The following DCC variants were observed in gnomAD, a reference collection of about 807,000 sequenced individuals.
DCC encodes the protein DCC netrin 1 receptor.
DCC carries 58 observed loss-of-function variants against 172.5 expected under a neutral mutation model. The ratio of observed to expected loss-of-function variants is 0.34; its 90% CI spans 0.27 to 0.42. The LOEUF (loss-of-function observed/expected upper bound fraction) is 0.42. DCC is among the 10% of genes least tolerant of loss of function. The pLI is 1.00. For synonymous variants in DCC, 709 were observed against 644.5 expected (o/e 1.10, Z -1.52); for missense variants, 1,740 against 1,791.0 (o/e 0.97, Z 0.51).
chr18:52,906,506 CT>C (rs11322229), intron 3 of DCC, among the ~76,000 whole-genome samples, 178 bp downstream of exon 3: 57,352 of 139,516 alleles, frequency 0.41, 11,560 homozygotes, highest in Non-Finnish European at 0.48. Flanking sequence ...AAAAGCTGTT[CT>C]TTTTTTTTTT....
chr18:52,664,565 G>T (rs2035428657), intron 1 of DCC, among the ~76,000 whole-genome samples: 1 of 146,944 alleles, frequency 6.8e-6, no homozygotes, highest in African/African-American at 2.5e-5. Flanking sequence ...CCGCCTCCTG[G>T]GTTCACGCCA....
At chr18:52,854,900 T>C (rs1379854480) in intron 2 of DCC, among the ~76,000 whole-genome samples, 3 of 152,156 alleles carry the variant, frequency 2.0e-5, no homozygotes, top group East Asian at 3.9e-4. Flanking sequence ...AGAGAAGAGA[T>C]AATTGGCCCC....
intron 5 of DCC, among the ~76,000 whole-genome samples, chr18:53,062,895 G>A (rs976628930): frequency 6.6e-6 from 1 of 152,084 alleles, no homozygotes; most frequent in Non-Finnish European, 1.5e-5. Context: ...GGACAACTGA[G>A]CTTTCTTATC....
chr18:53,271,307 A>G (rs1418619340), intron 12 of DCC, among the ~76,000 whole-genome samples: 1 of 152,166 alleles, frequency 6.6e-6, no homozygotes, highest in Non-Finnish European at 1.5e-5. Context: ...GCAATATGTA[A>G]TACTTATCTA....
At chr18:52,387,607 CT>C (rs879858544) in intron 1 of DCC, among the ~76,000 whole-genome samples, 2 of 150,292 alleles carry the variant, frequency 1.3e-5, no homozygotes, top group Non-Finnish European at 3.0e-5. Context: ...TCCTTCCTTC[CT>C]TCCTTCCTTC....
intron 1 of DCC, among the ~76,000 whole-genome samples, chr18:52,626,353 T>A (rs1488592042): frequency 1.3e-5 from 2 of 152,246 alleles, no homozygotes; most frequent in South Asian, 2.1e-4. Context: ...CCAAAATAGA[T>A]CTCCAGTCTA....
chr18:53,117,814 T>C (rs1241617824), intron 7 of DCC, among the ~76,000 whole-genome samples: 1 of 151,772 alleles, frequency 6.6e-6, no homozygotes, highest in Admixed American at 6.6e-5. Flanking sequence ...TAGACATGCC[T>C]GTGTTCCAAT....
chr18:52,499,148 G>A (rs942733561), intron 1 of DCC, among the ~76,000 whole-genome samples: 4 of 152,156 alleles, frequency 2.6e-5, no homozygotes, highest in Admixed American at 2.0e-4. Flanking sequence ...GAAACTGCAA[G>A]CTCCCTGAAT....
intron 1 of DCC, among the ~76,000 whole-genome samples, chr18:52,432,930 A>C (rs1308455480): frequency 6.6e-6 from 1 of 152,166 alleles, no homozygotes; most frequent in Admixed American, 6.6e-5. Flanking sequence ...TCCATCTTTC[A>C]GTTTCCCTCT....
chr18:52,657,264 T>C (rs577424617), intron 1 of DCC, among the ~76,000 whole-genome samples: 61 of 152,296 alleles, frequency 4.0e-4, no homozygotes, highest in African/African-American at 1.3e-3. Context: ...AATGCTCCAA[T>C]TGGCTGCATC....
At chr18:52,543,913 C>T (rs2032537227) in intron 1 of DCC, among the ~76,000 whole-genome samples, 1 of 152,200 alleles carries the variant, frequency 6.6e-6, no homozygotes, top group Non-Finnish European at 1.5e-5. Flanking sequence ...AACAATGATA[C>T]TGCAACTTTA....
rs116069699 is a variant in DCC, at chr18:53,218,287, G to A, written c.1911+2690G>A. ...TTGATAGTAAATGAAATAACTTGGTGCAACTAACATTTTTGCAGAAAGATT... is the reference window on the plus strand; with the variant it reads ...TTGATAGTAAATGAAATAACTTGGTACAACTAACATTTTTGCAGAAAGATT... On this transcript the variant is annotated intron_variant, in intron 12 of 28. Coordinates refer to ENST00000442544, the MANE Select transcript of DCC (RefSeq NM_005215.4). Among the ~76,000 whole-genome samples, 503 of 152,112 alleles carry A rather than the reference G, an allele frequency of 3.3e-3. 2 individuals are homozygous for A. Among genetic ancestry groups the A allele is most frequent in the African/African-American group, 0.011 (473 of 41,508 alleles).
rs542401787 is a variant in DCC at position 52,727,976 on chromosome 18, C to T, written c.92-24078C>T. Among the ~76,000 whole-genome samples, 5 of 152,220 alleles carry T rather than the reference C, an allele frequency of 3.3e-5. 1 individual carries two copies. The South Asian group carries it at 8.3e-4, about 25-fold the overall frequency. ...TTGCAATGAATTAGCTGTTTATTTT[C>T]CCAACTCTCCCATTTCATTATAGTG... On this transcript the variant is annotated intron_variant, in intron 1 of 28. Coordinates refer to ENST00000442544, the MANE Select transcript of DCC (RefSeq NM_005215.4).
chr18:53,415,671 C>T (rs939390039), intron 20 of DCC, among the ~76,000 whole-genome samples: 3 of 151,964 alleles, frequency 2.0e-5, no homozygotes, highest in African/African-American at 7.2e-5. Context: ...TATATTGTAC[C>T]ATATTTATGG....
intron 22 of DCC, among the ~76,000 whole-genome samples, chr18:53,443,932 C>G (rs1489131807): frequency 6.6e-6 from 1 of 152,186 alleles, no homozygotes; most frequent in African/African-American, 2.4e-5. Flanking sequence ...AGTGACTGAA[C>G]TGCTGCAATC....
chr18:52,855,178 G>T (rs572711897), intron 2 of DCC, among the ~76,000 whole-genome samples: 36 of 152,252 alleles, frequency 2.4e-4, no homozygotes, highest in Middle Eastern at 3.4e-3. Context: ...GTGCTTTCCA[G>T]CCTCCCGATC....
rs185171743 is a variant in DCC, at chr18:52,620,733, C to A, written c.92-131321C>A. Among the ~76,000 whole-genome samples, 783 of 151,920 alleles carry A rather than the reference C, an allele frequency of 5.2e-3. 4 individuals are homozygous for A. The highest frequency in any genetic ancestry group is 0.014 in the Middle Eastern group (4 of 294). On this transcript the variant is annotated intron_variant, in intron 1 of 28. Transcript: ENST00000442544. ...TCCCTCTGTCTTAAGTAGACGATGT[C>A]GGAGGAAAAAAATAGGTAACCATAA... is the stretch of plus-strand genomic sequence containing the variant.
intron 9 of DCC, among the ~76,000 whole-genome samples, chr18:53,186,752 G>A (rs892802467): frequency 6.6e-6 from 1 of 152,202 alleles, no homozygotes; most frequent in African/African-American, 2.4e-5. Flanking sequence ...ACCTGACACT[G>A]TAATTTATAA....
intron 15 of DCC, among the ~76,000 whole-genome samples, chr18:53,379,717 A>G (rs1049776338): frequency 6.6e-6 from 1 of 152,162 alleles, no homozygotes; most frequent in Non-Finnish European, 1.5e-5. Flanking sequence ...GCCAAGAGCC[A>G]TCTATTTTGG....
Sources: allele counts gnomAD v4.1 joint callset (sites outside exome capture counted in the v4.1 genomes callset), GRCh38; gene constraint gnomAD v4.1.1; transcripts MANE v1.5; gene names NCBI Gene and HGNC (gene_info 2026-07-23, HGNC 2026-07-21).